RHOBTB1: variants seen among roughly 807,000 people sequenced by gnomAD.
RHOBTB1 encodes rho-related BTB domain-containing protein 1.
A neutral mutation model predicts 71.6 loss-of-function variants in RHOBTB1; 40 were observed. That is an observed-to-expected ratio of 0.56 (90% confidence interval 0.43 to 0.73). The LOEUF is 0.73. RHOBTB1 is among the 30% of genes least tolerant of loss of function. The pLI, the probability that RHOBTB1 is intolerant of heterozygous loss-of-function variation, is 0.00. For synonymous variants in RHOBTB1, 319 were observed against 334.9 expected, an observed-to-expected ratio of 0.95 and a Z score of 0.52; for missense variants, 797 against 894.0, an observed-to-expected ratio of 0.89 and a Z score of 1.38.
chr10:60,947,217 C>A (rs1192591837), upstream of RHOBTB1, among the ~76,000 whole-genome samples: 3 of 152,148 alleles, frequency 2.0e-5, no homozygotes, highest in African/African-American at 7.2e-5. Flanking sequence ...TTTTTGTATA[C>A]TAAAATCATT....
intron 5 of RHOBTB1, among the ~76,000 whole-genome samples, chr10:60,890,702 G>A (rs913341506): frequency 6.6e-6 from 1 of 152,194 alleles, no homozygotes; most frequent in Non-Finnish European, 1.5e-5. Flanking sequence ...GTCTTAGGAG[G>A]AAAAAGATAA....
At chr10:60,861,191 G>T in the RHOBTB1 span, among the ~76,000 whole-genome samples, 2 of 152,178 alleles carry the variant, frequency 1.3e-5, no homozygotes, top group African/African-American at 2.4e-5. Context: ...GGAAGGCAGA[G>T]ATTTTAGGTT....
At chr10:60,986,929 C>T (rs976739865) in intron 1 of RHOBTB1, among the ~76,000 whole-genome samples, 2 of 152,146 alleles carry the variant, frequency 1.3e-5, no homozygotes, top group African/African-American at 4.8e-5. Flanking sequence ...ATTTTCTCAA[C>T]AGTAAGGAGG....
At chr10:61,000,438 G>C (rs1486435012) in intron 1 of RHOBTB1, among the ~76,000 whole-genome samples, 3 of 152,094 alleles carry the variant, frequency 2.0e-5, no homozygotes, top group Non-Finnish European at 4.4e-5. Context: ...GATGCGACAG[G>C]ATTCTCAGCA....
chr10:60,979,164 C>A (rs2086412184), intron 2 of RHOBTB1, among the ~76,000 whole-genome samples: 1 of 152,052 alleles, frequency 6.6e-6, no homozygotes, highest in African/African-American at 2.4e-5. Context: ...GGAAACTAAT[C>A]CTCTTTTGTT....
At chr10:60,963,145 C>T (rs151112921) in intron 2 of RHOBTB1, among the ~76,000 whole-genome samples, 25 of 152,160 alleles carry the variant, frequency 1.6e-4, no homozygotes, top group African/African-American at 5.8e-4. Flanking sequence ...TTGGTTTGAC[C>T]AAAAGTTATG....
At chr10:60,892,774 G>T in intron 5 of RHOBTB1, 36 bp downstream of exon 5, 1 of 1,573,580 alleles carries the variant, frequency 6.4e-7, no homozygotes, top group East Asian at 2.2e-5. Context: ...ATTTTAACTT[G>T]GTCAGGACAG....
intron 2 of RHOBTB1, among the ~76,000 whole-genome samples, chr10:60,949,735 A>G (rs965531054): frequency 4.0e-5 from 6 of 148,748 alleles, no homozygotes; most frequent in African/African-American, 1.5e-4. Context: ...ACTTAAGCTA[A>G]CCTAATGGAT....
At chr10:60,892,746 G>A in intron 5 of RHOBTB1, 64 bp downstream of exon 5, 1 of 1,409,984 alleles carries the variant, frequency 7.1e-7, no homozygotes, top group Non-Finnish European at 9.7e-7. Context: ...AGGCTACAGA[G>A]ACACCTGCTG....
chr10:60,927,527 T>C (rs539887379), intron 2 of RHOBTB1, among the ~76,000 whole-genome samples: 2 of 152,176 alleles, frequency 1.3e-5, no homozygotes, highest in African/African-American at 4.8e-5. Flanking sequence ...CACTGACCAA[T>C]GGAAGAGAAT....
chr10:60,968,061 C>T (rs922208237), intron 2 of RHOBTB1, among the ~76,000 whole-genome samples: 3 of 152,090 alleles, frequency 2.0e-5, no homozygotes, highest in African/African-American at 7.2e-5. Flanking sequence ...CCCCACAACC[C>T]CACTTCTCTG....
chr10:60,967,285 GTTTTT>G (rs1289662635), intron 2 of RHOBTB1, among the ~76,000 whole-genome samples: 112 of 126,684 alleles, frequency 8.8e-4, no homozygotes, highest in Non-Finnish European at 1.7e-3. Flanking sequence ...TTGTTTGCCT[GTTTTT>G]TTTTTTTTTT....
intron 1 of RHOBTB1, among the ~76,000 whole-genome samples, chr10:60,997,432 T>C (rs1246334852): frequency 6.6e-6 from 1 of 152,072 alleles, no homozygotes; most frequent in Non-Finnish European, 1.5e-5. Flanking sequence ...ATGATTTTTA[T>C]GCCCTCTAAA....
chr10:60,901,626 T>G (rs954590209), intron 4 of RHOBTB1, among the ~76,000 whole-genome samples: 3 of 152,224 alleles, frequency 2.0e-5, no homozygotes, highest in Non-Finnish European at 4.4e-5. Flanking sequence ...AAAAACTGTA[T>G]GGGCTGGAAT....
chr10:60,915,499 G>T (rs2083224190), intron 2 of RHOBTB1, among the ~76,000 whole-genome samples: 1 of 152,088 alleles, frequency 6.6e-6, no homozygotes, highest in African/African-American at 2.4e-5. Context: ...TACTATGGCA[G>T]CTCTGTCATC....
intron 7 of RHOBTB1, among the ~76,000 whole-genome samples, chr10:60,881,445 C>T (rs2081325002): frequency 6.6e-6 from 1 of 152,142 alleles, no homozygotes; most frequent in African/African-American, 2.4e-5. Flanking sequence ...TATACCAAGT[C>T]CCAGAGCTTC....
chr10:60,901,447 C>CTTT (rs1177819937), intron 4 of RHOBTB1, among the ~76,000 whole-genome samples: 10 of 152,116 alleles, frequency 6.6e-5, no homozygotes, highest in Admixed American at 5.2e-4. Flanking sequence ...TGTATGTTGA[C>CTTT]TTTAATAAGA....
intron 2 of RHOBTB1, among the ~76,000 whole-genome samples, chr10:60,922,788 T>C (rs535978390): frequency 1.4e-4 from 22 of 152,312 alleles, no homozygotes; most frequent in African/African-American, 4.3e-4. Flanking sequence ...AAAAAGATTC[T>C]CTCTGTTCTG....
At chr10:60,987,919 CTT>C (rs71018937) in intron 1 of RHOBTB1, among the ~76,000 whole-genome samples, 29 of 53,728 alleles carry the variant, frequency 5.4e-4, no homozygotes, top group East Asian at 4.9e-3. Context: ...AAATACTCAA[CTT>C]TTTTTTTTTT....
Sources: allele counts gnomAD v4.1 joint callset (sites outside exome capture counted in the v4.1 genomes callset), GRCh38; gene constraint gnomAD v4.1.1; transcripts MANE v1.5; gene names NCBI Gene and HGNC (gene_info 2026-07-23, HGNC 2026-07-21).